Variants in SLC5A4 observed in about 807,000 individuals in gnomAD.
SLC5A4 encodes the protein solute carrier family 5 member 4, also known as probable glucose sensor protein SLC5A4.
SLC5A4 carries 55 observed loss-of-function variants against 70.3 expected under a neutral mutation model. That is an observed-to-expected ratio of 0.78 (90% CI 0.63 to 0.98). SLC5A4 has a LOEUF of 0.98. SLC5A4 is among the 50% of genes least tolerant of loss of function. SLC5A4 has a pLI of 0.00. For synonymous variants in SLC5A4, 268 were observed against 305.7 expected, an observed-to-expected ratio of 0.88 and a Z score of 1.29; for missense variants, 735 against 839.2, an observed-to-expected ratio of 0.88 and a Z score of 1.53.
chr22:32,235,409 C>T (rs931171050), intron 7 of SLC5A4, among the ~76,000 whole-genome samples: 1 of 152,114 alleles, frequency 6.6e-6, no homozygotes, highest in African/African-American at 2.4e-5. Context: ...TGTCTCACAA[C>T]CATTTAGAGC....
chr22:32,255,145 C>A, intron 1 of SLC5A4, 50 bp downstream of exon 1: 3 of 1,556,478 alleles, frequency 1.9e-6, no homozygotes, highest in South Asian at 2.3e-5. Context: ...CTTAAGATAC[C>A]CCCTCCTAAA....
chr22:32,340,857 T>C, the SLC5A4 span, among the ~76,000 whole-genome samples: 1 of 152,090 alleles, frequency 6.6e-6, no homozygotes, highest in Non-Finnish European at 1.5e-5. Context: ...ACTTAATGTT[T>C]TTAAAAGATC....
rs117732030 is a variant in SLC5A4 at position 32,253,380 on chromosome 22, C to G, written c.207+762G>C. On this transcript the variant is annotated intron_variant, in intron 2 of 14. Coordinates refer to ENST00000266086, the MANE Select transcript of SLC5A4 (RefSeq NM_014227.3). ...TTAGCACCATCACAGGGAACACAACCAATAACTGCATGGGACATAGGGACC... is the reference window on the plus strand; with the variant it reads ...TTAGCACCATCACAGGGAACACAACGAATAACTGCATGGGACATAGGGACC... Among the ~76,000 whole-genome samples the G allele has an allele frequency of 5.4e-3, 829 of 152,242 alleles. 26 individuals carry two copies. In the East Asian group the frequency reaches 0.095, roughly 17 times the overall value.
chr22:32,353,665 C>T, the SLC5A4 span, among the ~76,000 whole-genome samples: 1 of 151,856 alleles, frequency 6.6e-6, no homozygotes, highest in African/African-American at 2.4e-5. Context: ...CCCCAACCAC[C>T]GGCAGTGTAG....
the SLC5A4 span, among the ~76,000 whole-genome samples, chr22:32,311,912 G>A: frequency 6.6e-6 from 1 of 152,122 alleles, no homozygotes; most frequent in African/African-American, 2.4e-5. Context: ...CCTGGACTTT[G>A]GGTTCCTGCA....
At chr22:32,269,579 C>G in the SLC5A4 span, 1 of 626,864 alleles carries the variant, frequency 1.6e-6, no homozygotes, top group Non-Finnish European at 3.1e-6. The surrounding 1 kb of genome is among the most constrained non-coding windows in gnomAD (Gnocchi z 4.1). Context: ...GTCATCTGAT[C>G]TCTCACCAGC....
the SLC5A4 span, among the ~76,000 whole-genome samples, chr22:32,318,191 G>A: frequency 1.3e-5 from 2 of 151,614 alleles, no homozygotes; most frequent in Non-Finnish European, 2.9e-5. Context: ...ACTCACTCAT[G>A]GACCTCATCT....
chr22:32,298,389 A>T, the SLC5A4 span, among the ~76,000 whole-genome samples: 2 of 144,594 alleles, frequency 1.4e-5, no homozygotes, highest in African/African-American at 2.6e-5. Context: ...TGTTGAATTG[A>T]TCCCTTTACC....
chr22:32,340,543 G>T, the SLC5A4 span, among the ~76,000 whole-genome samples: 2 of 152,218 alleles, frequency 1.3e-5, no homozygotes, highest in South Asian at 2.1e-4. Flanking sequence ...AGCTGAAGGA[G>T]GACAAAGGGA....
chr22:32,313,180 G>A, the SLC5A4 span, among the ~76,000 whole-genome samples: 1 of 152,156 alleles, frequency 6.6e-6, no homozygotes, highest in African/African-American at 2.4e-5. Flanking sequence ...ATACATAGAG[G>A]TATAATAGTC....
the SLC5A4 span, among the ~76,000 whole-genome samples, chr22:32,315,681 T>G: frequency 6.7e-6 from 1 of 150,112 alleles, no homozygotes; most frequent in African/African-American, 2.5e-5. Context: ...TGGTGAAAAC[T>G]GACAACCCCC....
the SLC5A4 span, chr22:32,268,357 C>T: frequency 6.6e-6 from 1 of 152,106 alleles, no homozygotes; most frequent in Non-Finnish European, 1.5e-5. Context: ...TCTTGAAAAA[C>T]CCGTGTACCT....
chr22:32,277,472 G>T, the SLC5A4 span, among the ~76,000 whole-genome samples: 41,654 of 152,042 alleles, frequency 0.27, 5,690 homozygotes, highest in East Asian at 0.31. Context: ...GGGGAAAACT[G>T]TGAAGGATTT....
In SLC5A4 at chr22:32,231,046, A is replaced by ATGTTTCAGAAGTGTTTCACAGTGT. The variant is rs1282621755; in HGVS notation, c.1050_1051insACACTGTGAAACACTTCTGAAACA (p.Glu350_Cys351insThrLeuTer). ...ACATCAACGCCACAGTGTTTCACGC[A>ATGTTTCAGAAGTGTTTCACAGTGT]TTCAGAAGGTACCACACATGCTACC... On this transcript the variant is annotated stop_gained and inframe_insertion, in exon 10 of 15. Transcript: ENST00000266086. LOFTEE classifies it high-confidence loss of function. The ATGTTTCAGAAGTGTTTCACAGTGT allele has an allele frequency of 6.2e-7, 1 of 1,613,764 alleles. No homozygotes were observed. Among genetic ancestry groups the ATGTTTCAGAAGTGTTTCACAGTGT allele is most frequent in the African/African-American group, 1.3e-5 (1 of 74,932 alleles).
chr22:32,220,386 C>T lies in SLC5A4; in HGVS notation c.1768+534G>A, dbSNP rs536209084. ...TAAACCTTATCTGAGGTTTAAAAAA[C>T]ATTAGGTAAACAAAGAGCCAGGGGG... is the stretch of plus-strand genomic sequence containing the variant. On this transcript the variant is annotated intron_variant, in intron 14 of 14. Coordinates refer to ENST00000266086, the MANE Select transcript of SLC5A4 (RefSeq NM_014227.3). Among the ~76,000 whole-genome samples, 5 of 152,224 alleles carry T rather than the reference C, an allele frequency of 3.3e-5. No homozygotes were observed. In the East Asian group the frequency reaches 9.6e-4, roughly 29 times the overall value.
chr22:32,222,871 G>A (rs1925164174), intron 13 of SLC5A4, among the ~76,000 whole-genome samples: 1 of 152,128 alleles, frequency 6.6e-6, no homozygotes, highest in Admixed American at 6.5e-5. Context: ...TAGTATATAA[G>A]CAGTATTTAT....
chr22:32,237,073 T>C (rs1276421661), intron 7 of SLC5A4, among the ~76,000 whole-genome samples, 171 bp downstream of exon 7: 1 of 152,102 alleles, frequency 6.6e-6, no homozygotes, highest in Non-Finnish European at 1.5e-5. Context: ...GCTGAGCTAA[T>C]AAAGCAAGAA....
intron 5 of SLC5A4, among the ~76,000 whole-genome samples, chr22:32,240,470 T>C (rs1254829135): frequency 1.3e-5 from 2 of 152,208 alleles, no homozygotes; most frequent in South Asian, 2.1e-4. Flanking sequence ...TGTATACATA[T>C]ATAAAACTAA....
chr22:32,330,843 G>A, the SLC5A4 span, among the ~76,000 whole-genome samples: 1 of 90,272 alleles, frequency 1.1e-5, no homozygotes, highest in Non-Finnish European at 2.3e-5. Context: ...TGTGTGTGTT[G>A]GGGGCTCTGG....
Sources: gnomAD v4.1 joint callset for allele counts (sites outside exome capture counted in the v4.1 genomes callset) on GRCh38, gnomAD v4.1.1 for gene constraint, Gnocchi (gnomAD v3.1) non-coding constraint, MANE v1.5 for transcripts, NCBI Gene and HGNC (gene_info 2026-07-23, HGNC 2026-07-21) for gene names.